The following FSTL5 variants were observed in gnomAD, a reference collection of about 807,000 sequenced individuals.
FSTL5 encodes the protein follistatin-related protein 5.
A neutral mutation model predicts 89.1 loss-of-function variants in FSTL5; 62 were observed. The observed-to-expected ratio is 0.70, with a 90% confidence interval of 0.57 to 0.86. The LOEUF (loss-of-function observed/expected upper bound fraction) is 0.86, where lower values mean the gene tolerates loss of function less well. Ranked by LOEUF, FSTL5 falls within the 40% of genes least tolerant of loss-of-function variation. The pLI is 0.00. For synonymous variants in FSTL5, 383 were observed against 346.2 expected (o/e 1.11, Z -1.18); for missense variants, 1,057 against 1,001.6 (o/e 1.06, Z -0.75).
chr4:161,906,819 T>A (rs553197613), intron 4 of FSTL5, among the ~76,000 whole-genome samples: 1 of 152,244 alleles, frequency 6.6e-6, no homozygotes, highest in African/African-American at 2.4e-5. Context: ...ATAATTAGAA[T>A]TACATGGAAA....
intron 7 of FSTL5, among the ~76,000 whole-genome samples, chr4:161,638,562 C>T (rs1277877706): frequency 1.3e-5 from 2 of 151,200 alleles, no homozygotes; most frequent in South Asian, 4.2e-4. Context: ...TGAATTCTAC[C>T]AGAGGTACAA....
rs559183587 is a variant in FSTL5 at position 161,540,442 on chromosome 4, C to T, written c.1177+2090G>A. On this transcript the variant is annotated intron_variant, in intron 9 of 15. Coordinates refer to ENST00000306100, the MANE Select transcript of FSTL5 (RefSeq NM_020116.5). ...CAGCAAGTGATCTTGCTCTTTCAAT[C>T]GTGAGGTAAATAGAAGTGATCAGAA... Among the ~76,000 whole-genome samples the T allele has an allele frequency of 7.2e-5, 11 of 152,238 alleles. 1 individual carries two copies. The East Asian group carries it at 1.2e-3, about 16-fold the overall frequency.
intron 5 of FSTL5, among the ~76,000 whole-genome samples, chr4:161,761,992 G>C (rs559240902): frequency 6.6e-6 from 1 of 152,142 alleles, no homozygotes; most frequent in East Asian, 1.9e-4. Flanking sequence ...TAATGAGGGA[G>C]GTACTTTCCT....
intron 6 of FSTL5, among the ~76,000 whole-genome samples, chr4:161,678,393 G>A (rs760361238): frequency 7.2e-5 from 11 of 151,736 alleles, no homozygotes; most frequent in Non-Finnish European, 1.5e-4. Context: ...AAAGAAGAGT[G>A]AAATAATCTT....
rs185354854 is a variant in FSTL5, at chr4:161,986,086, A to G, written c.160+47539T>C. 3.3e-5 allele frequency among the ~76,000 whole-genome samples: 5 copies of G among 152,270 alleles called. No individual in the cohort carries two copies. The East Asian group carries it at 9.7e-4, about 29-fold the overall frequency. On this transcript the variant is annotated intron_variant, in intron 3 of 15. Coordinates refer to ENST00000306100, the MANE Select transcript of FSTL5 (RefSeq NM_020116.5). ...GACTATATTCCTCCTATGTTCCCACAGACCCTTACACCTAAAGTAATTAAA... is the reference window on the plus strand; with the variant it reads ...GACTATATTCCTCCTATGTTCCCACGGACCCTTACACCTAAAGTAATTAAA...
At chr4:161,926,195 G>T (rs1395093983) in intron 3 of FSTL5, among the ~76,000 whole-genome samples, 1 of 151,804 alleles carries the variant, frequency 6.6e-6, no homozygotes, top group Non-Finnish European at 1.5e-5. Context: ...TGGGATGTGT[G>T]TTTCCTGCTG....
At chr4:161,787,993 G>A (rs963244495) in intron 4 of FSTL5, among the ~76,000 whole-genome samples, 2 of 152,114 alleles carry the variant, frequency 1.3e-5, no homozygotes, top group African/African-American at 2.4e-5. Flanking sequence ...AATTTCTGAT[G>A]TCAGTAGGGA....
intron 15 of FSTL5, among the ~76,000 whole-genome samples, chr4:161,396,048 T>G (rs1285525225): frequency 1.3e-5 from 2 of 152,024 alleles, no homozygotes; most frequent in Non-Finnish European, 1.5e-5. Flanking sequence ...AGCAGAGACT[T>G]GACCAGTTAG....
intron 6 of FSTL5, among the ~76,000 whole-genome samples, chr4:161,689,590 C>G (rs531811506): frequency 6.6e-6 from 1 of 151,998 alleles, no homozygotes; most frequent in African/African-American, 2.4e-5. Context: ...ATTACACTTG[C>G]GGCTTGCAGT....
intron 7 of FSTL5, among the ~76,000 whole-genome samples, chr4:161,592,726 A>G (rs539947018): frequency 4.3e-4 from 65 of 152,296 alleles, no homozygotes; most frequent in African/African-American, 1.5e-3. Context: ...TAGTGCTGCA[A>G]TAAACATACG....
rs765214111 is a variant in FSTL5 at position 161,385,864 on chromosome 4, G to A, written c.2427C>T (p.Tyr809=). 1 of 1,613,702 alleles carries A rather than the reference G, an allele frequency of 6.2e-7. No individual in the cohort carries two copies. Among genetic ancestry groups the A allele is most frequent in the Non-Finnish European group, 8.5e-7 (1 of 1,179,816 alleles). ...GAGAGTCCTTGGAAGGTGTCATCAG[G>A]TATTGACCAAACAAGCCACTGTCCT... ...QIQDSGLFGQ[Y]LMTPSKDSLF... The change falls in exon 16 of 16, where the codon TAC becomes TAT. Residue 809 remains tyrosine (Y), a synonymous_variant. Coordinates refer to ENST00000306100, the MANE Select transcript of FSTL5 (RefSeq NM_020116.5).
chr4:162,063,035 T>C (rs1738773624), intron 2 of FSTL5, among the ~76,000 whole-genome samples: 1 of 151,862 alleles, frequency 6.6e-6, no homozygotes, highest in African/African-American at 2.4e-5. Context: ...CGTCAAGATA[T>C]TTTCTGAATA....
At chr4:161,700,868 ATT>A (rs908544621) in intron 6 of FSTL5, among the ~76,000 whole-genome samples, 4 of 152,220 alleles carry the variant, frequency 2.6e-5, no homozygotes, top group Admixed American at 2.6e-4. Context: ...AGACAGAAAG[ATT>A]TTTACTCAAA....
chr4:161,516,682 T>C lies in FSTL5; in HGVS notation c.1313-6258A>G, dbSNP rs141400914. 1.4e-3 allele frequency among the ~76,000 whole-genome samples: 198 copies of C among 142,798 alleles called. 6 individuals are homozygous for C. Among genetic ancestry groups the C allele is most frequent in the Non-Finnish European group, 2.1e-3 (142 of 66,314 alleles). 93.7% of individuals were successfully genotyped at this position (142,798 alleles called of 152,430 possible). On this transcript the variant is annotated intron_variant, in intron 10 of 15. Transcript: ENST00000306100. Reference sequence around the variant, plus strand: ...TATATATACACACACTAAGTATATATGTATAGTGAATTTATTATATGTAAA... The same window carrying C: ...TATATATACACACACTAAGTATATACGTATAGTGAATTTATTATATGTAAA...
chr4:161,942,684 G>A (rs908785681), intron 3 of FSTL5, among the ~76,000 whole-genome samples: 9 of 151,872 alleles, frequency 5.9e-5, no homozygotes, highest in Admixed American at 1.3e-4. Flanking sequence ...ATTCCAGGGG[G>A]GAAAAAACCC....
intron 4 of FSTL5, among the ~76,000 whole-genome samples, chr4:161,869,338 G>A (rs1389211197): frequency 6.6e-6 from 1 of 152,210 alleles, no homozygotes; most frequent in African/African-American, 2.4e-5. Context: ...GTATATTAAA[G>A]TTGTTAGAAT....
At chr4:161,997,842 G>A (rs985672877) in intron 3 of FSTL5, among the ~76,000 whole-genome samples, 2 of 151,876 alleles carry the variant, frequency 1.3e-5, no homozygotes, top group Non-Finnish European at 2.9e-5. Flanking sequence ...CTGACCTCGT[G>A]ATCCGCCCAC....
intron 13 of FSTL5, among the ~76,000 whole-genome samples, chr4:161,464,668 G>T (rs1733691508): frequency 6.6e-6 from 1 of 152,260 alleles, no homozygotes; most frequent in East Asian, 1.9e-4. Flanking sequence ...AATACTTAGT[G>T]AAATAGTATT....
At chr4:162,089,400 C>T (rs375039141) in intron 2 of FSTL5, among the ~76,000 whole-genome samples, 129 of 151,890 alleles carry the variant, frequency 8.5e-4, no homozygotes, top group African/African-American at 2.8e-3. Flanking sequence ...TTTGGGATGC[C>T]GAGGCGGGTG....
Sources: allele counts gnomAD v4.1 joint callset (sites outside exome capture counted in the v4.1 genomes callset), GRCh38; gene constraint gnomAD v4.1.1; transcripts MANE v1.5; gene names NCBI Gene and HGNC (gene_info 2026-07-23, HGNC 2026-07-21).